The following DRC5 variants were observed in gnomAD, a reference collection of about 807,000 sequenced individuals.
The protein encoded by DRC5 is T-complex-associated testis-expressed protein 1.
chr6:44,286,337 C>T, the DRC5 span: 31 of 1,613,834 alleles, frequency 1.9e-5, no homozygotes, highest in Middle Eastern at 1.6e-3. Flanking sequence ...CTCCAGGTGC[C>T]GCTCGAAGAA....
the DRC5 span, chr6:44,286,037 C>T: frequency 6.2e-7 from 1 of 1,614,170 alleles, no homozygotes; most frequent in Non-Finnish European, 8.5e-7. Flanking sequence ...GAAGAGATTC[C>T]ACTCGAAATT....
At chr6:44,292,711 G>T in the DRC5 span, among the ~76,000 whole-genome samples, 1 of 114,358 alleles carries the variant, frequency 8.7e-6, no homozygotes, top group East Asian at 2.4e-4. Flanking sequence ...TGTCCAAGTG[G>T]AGGGAGACAG....
At chr6:44,295,189 G>A in the DRC5 span, among the ~76,000 whole-genome samples, 3 of 152,170 alleles carry the variant, frequency 2.0e-5, no homozygotes, top group African/African-American at 7.2e-5. Context: ...ACATGGGCAG[G>A]GCAGGAATCC....
the DRC5 span, chr6:44,280,468 AGATGT>A: frequency 1.9e-6 from 2 of 1,068,158 alleles, no homozygotes; most frequent in Non-Finnish European, 2.8e-6. Flanking sequence ...ATTTTCAGGT[AGATGT>A]GACTAAAACA....
chr6:44,286,140 T>C, the DRC5 span: 2 of 1,613,938 alleles, frequency 1.2e-6, no homozygotes, highest in Non-Finnish European at 1.7e-6. Flanking sequence ...TGGTCAACGG[T>C]GGGCTCCTCC....
chr6:44,280,185 C>T, the DRC5 span: 1 of 1,613,708 alleles, frequency 6.2e-7, no homozygotes, highest in Admixed American at 1.7e-5. Flanking sequence ...GTCATTTTAT[C>T]CCACAGAGTT....
At chr6:44,280,129 A>G in the DRC5 span, 1 of 1,500,360 alleles carries the variant, frequency 6.7e-7, no homozygotes, top group Non-Finnish European at 9.3e-7. Context: ...CAGGCATGGC[A>G]GGGGTATGAA....
the DRC5 span, among the ~76,000 whole-genome samples, chr6:44,296,221 A>G: frequency 1.3e-5 from 2 of 152,342 alleles, no homozygotes; most frequent in Middle Eastern, 3.4e-3. Context: ...TCAGTCATTC[A>G]TAGCACTTTT....
chr6:44,288,612 C>T, the DRC5 span, among the ~76,000 whole-genome samples: 11 of 152,184 alleles, frequency 7.2e-5, no homozygotes, highest in African/African-American at 2.4e-4. Flanking sequence ...GGGTTGAGAA[C>T]AGCTCTGGCC....
the DRC5 span, chr6:44,280,299 T>G: frequency 6.2e-7 from 1 of 1,614,192 alleles, no homozygotes; most frequent in Non-Finnish European, 8.5e-7. Flanking sequence ...AATGAGGTAC[T>G]CGCTTTCCTG....
the DRC5 span, among the ~76,000 whole-genome samples, chr6:44,294,772 C>CA: frequency 0.57 from 50,228 of 88,818 alleles, 14,342 homozygotes; most frequent in South Asian, 0.61. Flanking sequence ...AACTCTGTCT[C>CA]AAAAAAAAAA....
the DRC5 span, among the ~76,000 whole-genome samples, chr6:44,289,957 A>G: frequency 2.8e-4 from 42 of 152,310 alleles, no homozygotes; most frequent in African/African-American, 9.4e-4. Context: ...CGTCCTTGGC[A>G]GAGGGAGGGA....
chr6:44,289,920 G>A, the DRC5 span, among the ~76,000 whole-genome samples: 1 of 152,178 alleles, frequency 6.6e-6, no homozygotes, highest in Non-Finnish European at 1.5e-5. Context: ...GTGGCCGGTG[G>A]GAGGGAACAC....
the DRC5 span, chr6:44,282,153 G>T: frequency 6.2e-7 from 1 of 1,614,112 alleles, no homozygotes; most frequent in Non-Finnish European, 8.5e-7. Flanking sequence ...GGTGAGTGTG[G>T]TGTTGATGGC....
At chr6:44,288,108 C>T in the DRC5 span, among the ~76,000 whole-genome samples, 1 of 151,912 alleles carries the variant, frequency 6.6e-6, no homozygotes, top group Non-Finnish European at 1.5e-5. Context: ...AAATGAAGGT[C>T]GCAGTTCCAG....
chr6:44,283,767 T>C, the DRC5 span, among the ~76,000 whole-genome samples: 2 of 152,362 alleles, frequency 1.3e-5, no homozygotes, highest in Middle Eastern at 3.4e-3. Flanking sequence ...AATCTAACTA[T>C]ATTTCTCTGG....
the DRC5 span, chr6:44,287,682 C>T: frequency 6.2e-7 from 1 of 1,614,198 alleles, no homozygotes; most frequent in South Asian, 1.1e-5. Context: ...GGTTCCTGGA[C>T]TTTGCAGGGA....
At chr6:44,294,228 C>T in the DRC5 span, among the ~76,000 whole-genome samples, 1 of 152,072 alleles carries the variant, frequency 6.6e-6, no homozygotes, top group African/African-American at 2.4e-5. Context: ...GTGATCTGCC[C>T]GCCTTGGCCT....
the DRC5 span, among the ~76,000 whole-genome samples, chr6:44,289,017 A>AAAAAG: frequency 7.2e-6 from 1 of 139,704 alleles, no homozygotes. Context: ...AAAAAAAAAA[A>AAAAAG]AAAAAGAAAA....
Sources: gnomAD v4.1 joint callset for allele counts (sites outside exome capture counted in the v4.1 genomes callset) on GRCh38, gnomAD v4.1.1 for gene constraint, MANE v1.5 for transcripts, NCBI Gene and HGNC (gene_info 2026-07-23, HGNC 2026-07-21) for gene names.